The following DYNC1I1 variants were observed in gnomAD, a reference collection of about 807,000 sequenced individuals.
DYNC1I1 encodes the protein dynein cytoplasmic 1 intermediate chain 1, also known as cytoplasmic dynein 1 intermediate chain 1.
In DYNC1I1, 43 loss-of-function variants were observed where a neutral mutation model predicts 86.6. That is an observed-to-expected ratio of 0.50 (90% confidence interval 0.39 to 0.64). DYNC1I1 has a LOEUF of 0.64. Among genes scored for constraint, DYNC1I1 ranks in the 30% least tolerant of loss-of-function variants. The pLI, the probability that DYNC1I1 is intolerant of heterozygous loss-of-function variation, is 0.00. For synonymous variants in DYNC1I1, 262 were observed against 283.7 expected (o/e 0.92, Z 0.77); for missense variants, 604 against 788.8 (o/e 0.77, Z 2.81).
chr7:95,785,943 C>G (rs1178273368), intron 1 of DYNC1I1, among the ~76,000 whole-genome samples: 1 of 151,472 alleles, frequency 6.6e-6, no homozygotes, highest in Non-Finnish European at 1.5e-5. Flanking sequence ...ATTTTGAACA[C>G]TTAATTTCTC....
At chr7:95,907,395 C>T (rs948401629) in intron 6 of DYNC1I1, among the ~76,000 whole-genome samples, 6 of 152,058 alleles carry the variant, frequency 3.9e-5, no homozygotes, top group Admixed American at 1.3e-4. Context: ...TCTGTCTTCC[C>T]GGAGAATAAT....
chr7:95,881,648 G>A (rs2116227257), intron 6 of DYNC1I1, among the ~76,000 whole-genome samples: 1 of 152,284 alleles, frequency 6.6e-6, no homozygotes, highest in South Asian at 2.1e-4. Context: ...TCACCATGAG[G>A]GTGGCATACT....
chr7:95,850,059 A>G lies in DYNC1I1; in HGVS notation c.375-19824A>G, dbSNP rs538868174. ...ACTAATTTTTGTATATTGACTTTTC[A>G]TCCTACAAGTTAACGGCATTTGTTT... On this transcript the variant is annotated intron_variant, in intron 5 of 16. Coordinates refer to ENST00000447467, the MANE Select transcript of DYNC1I1 (RefSeq NM_001135556.2). 3.3e-5 allele frequency among the ~76,000 whole-genome samples: 5 copies of G among 151,854 alleles called. No homozygotes were observed. The East Asian group carries it at 9.7e-4, about 29-fold the overall frequency.
At chr7:95,965,809 C>G (rs997206289) in intron 6 of DYNC1I1, among the ~76,000 whole-genome samples, 2 of 152,086 alleles carry the variant, frequency 1.3e-5, no homozygotes, top group African/African-American at 4.8e-5. Flanking sequence ...GGAATCAACC[C>G]AAAATTACTT....
At chr7:95,829,184 T>C (rs895674253) in intron 5 of DYNC1I1, among the ~76,000 whole-genome samples, 2 of 152,136 alleles carry the variant, frequency 1.3e-5, no homozygotes, top group African/African-American at 4.8e-5. Flanking sequence ...ATCTCTGAGG[T>C]TCTGTCAGTT....
chr7:95,897,580 G>A (rs78831396), intron 6 of DYNC1I1, among the ~76,000 whole-genome samples: 3,568 of 152,182 alleles, frequency 0.023, 133 homozygotes, highest in African/African-American at 0.074. Flanking sequence ...TCATGAAGTG[G>A]AATGAGTGGT....
At chr7:95,908,019 T>C (rs1045225443) in intron 6 of DYNC1I1, among the ~76,000 whole-genome samples, 2 of 152,162 alleles carry the variant, frequency 1.3e-5, no homozygotes, top group Non-Finnish European at 2.9e-5. Context: ...TTTTATTTAC[T>C]TTTTATAACA....
At chr7:95,922,981 A>C (rs533144326) in intron 6 of DYNC1I1, among the ~76,000 whole-genome samples, 58 of 152,180 alleles carry the variant, frequency 3.8e-4, no homozygotes, top group South Asian at 3.1e-3. Flanking sequence ...TTCTAAAGTC[A>C]TATTTGCATT....
chr7:96,016,575 T>C (rs2115881256), intron 10 of DYNC1I1, among the ~76,000 whole-genome samples: 1 of 152,278 alleles, frequency 6.6e-6, no homozygotes, highest in East Asian at 1.9e-4. Context: ...CTCTTGCCAA[T>C]ACAACAGCTC....
intron 5 of DYNC1I1, among the ~76,000 whole-genome samples, chr7:95,836,061 C>G (rs1325697737): frequency 6.6e-6 from 1 of 152,120 alleles, no homozygotes; most frequent in Non-Finnish European, 1.5e-5. Context: ...CAGTTTCTTC[C>G]TAGTCTTGAT....
chr7:95,910,933 C>G (rs1180513651), intron 6 of DYNC1I1, among the ~76,000 whole-genome samples: 1 of 152,132 alleles, frequency 6.6e-6, no homozygotes, highest in East Asian at 1.9e-4. Context: ...TTGTCATGAT[C>G]ATTATTTTTT....
intron 16 of DYNC1I1, among the ~76,000 whole-genome samples, chr7:96,094,328 T>G (rs1467471835): frequency 6.6e-6 from 1 of 152,196 alleles, no homozygotes; most frequent in African/African-American, 2.4e-5. Context: ...TTTTTCCTAT[T>G]TAATGATTAA....
intron 6 of DYNC1I1, among the ~76,000 whole-genome samples, chr7:95,945,064 T>C (rs1209266804): frequency 2.0e-5 from 3 of 151,242 alleles, no homozygotes; most frequent in Non-Finnish European, 1.5e-5. Context: ...AATAAAAAAA[T>C]AATAAAAAAA....
chr7:95,786,491 G>A (rs187630837), intron 1 of DYNC1I1, among the ~76,000 whole-genome samples: 1 of 152,128 alleles, frequency 6.6e-6, no homozygotes. Context: ...TGCTTTTTGA[G>A]ACAGACTCTA....
At chr7:95,847,227 G>A (rs1048068536) in intron 5 of DYNC1I1, among the ~76,000 whole-genome samples, 8 of 152,130 alleles carry the variant, frequency 5.3e-5, no homozygotes, top group Non-Finnish European at 1.2e-4. Context: ...CCAATTTGCA[G>A]CATTCTTTCC....
intron 10 of DYNC1I1, among the ~76,000 whole-genome samples, chr7:96,003,092 C>T (rs1794052641): frequency 6.6e-6 from 1 of 152,198 alleles, no homozygotes; most frequent in Admixed American, 6.5e-5. Context: ...ATCCTCCTGC[C>T]TCAGCCTTCC....
At chr7:96,105,008 T>A (rs969122708) in intron 16 of DYNC1I1, among the ~76,000 whole-genome samples, 1 of 151,818 alleles carries the variant, frequency 6.6e-6, no homozygotes, top group Admixed American at 6.6e-5. Flanking sequence ...TGGGTCTTCT[T>A]TAATAGAGTT....
chr7:96,096,368 T>C (rs1791005474), intron 16 of DYNC1I1, among the ~76,000 whole-genome samples: 1 of 152,144 alleles, frequency 6.6e-6, no homozygotes, highest in African/African-American at 2.4e-5. Context: ...TTAATGTTTA[T>C]GGAATATGTG....
intron 2 of DYNC1I1, 84 bp from the exon 3 acceptor site, chr7:95,810,308 A>G (rs2115827148): frequency 9.1e-7 from 1 of 1,100,476 alleles, no homozygotes; most frequent in East Asian, 2.5e-5. Context: ...CTTCACTGCC[A>G]TGCATTTATC....
Sources: allele counts gnomAD v4.1 joint callset (sites outside exome capture counted in the v4.1 genomes callset), GRCh38; gene constraint gnomAD v4.1.1; transcripts MANE v1.5; gene names NCBI Gene and HGNC (gene_info 2026-07-23, HGNC 2026-07-21).